The following SPECC1L variants were observed in gnomAD, a reference collection of about 807,000 sequenced individuals.
SPECC1L encodes the protein sperm antigen with calponin homology and coiled-coil domains 1 like, also known as cytospin-A.
Under a neutral mutation model 116.8 loss-of-function variants are expected in SPECC1L, and 40 were observed. The observed-to-expected ratio is 0.34, with a 90% CI of 0.27 to 0.45. SPECC1L has a LOEUF of 0.45. Ranked by LOEUF, SPECC1L falls within the 20% of genes least tolerant of loss-of-function variation. The pLI is 1.00. For missense variants in SPECC1L, 1,110 were observed against 1,373.6 expected (o/e 0.81, Z 3.03); for synonymous variants, 504 against 500.6 (o/e 1.01, Z -0.09).
intron 14 of SPECC1L, among the ~76,000 whole-genome samples, chr22:24,395,121 C>T (rs1196922371): frequency 6.6e-6 from 1 of 152,186 alleles, no homozygotes; most frequent in Admixed American, 6.5e-5. Flanking sequence ...AGCCACAGCG[C>T]CTGGCCAGAA....
intron 6 of SPECC1L, among the ~76,000 whole-genome samples, chr22:24,325,278 A>G (rs906938575): frequency 1.3e-5 from 2 of 152,224 alleles, no homozygotes; most frequent in African/African-American, 4.8e-5. Flanking sequence ...TAGAGGTTCG[A>G]GAGTTGAAGA....
At chr22:24,271,051 C>G (rs997840170) in intron 1 of SPECC1L, 68 bp downstream of exon 1, 6 of 152,468 alleles carry the variant, frequency 3.9e-5, no homozygotes, top group African/African-American at 7.2e-5. Flanking sequence ...GCGCCGCCCG[C>G]GCTGCCGCGC....
chr22:24,383,412 A>T (rs909943403), intron 14 of SPECC1L, among the ~76,000 whole-genome samples: 1 of 152,190 alleles, frequency 6.6e-6, no homozygotes, highest in Non-Finnish European at 1.5e-5. Context: ...CCCTGTCTCT[A>T]TAATTAATTA....
chr22:24,273,435 G>A (rs1177841624), intron 1 of SPECC1L, among the ~76,000 whole-genome samples: 1 of 152,114 alleles, frequency 6.6e-6, no homozygotes, highest in Non-Finnish European at 1.5e-5. Flanking sequence ...TTAAAATAAA[G>A]CATCTTTTAT....
intron 14 of SPECC1L, among the ~76,000 whole-genome samples, chr22:24,394,266 T>C (rs1236067999): frequency 6.6e-6 from 1 of 152,202 alleles, no homozygotes; most frequent in East Asian, 1.9e-4. Flanking sequence ...GCTGGAAGTC[T>C]GAGATCAGGA....
At chr22:24,357,962 T>C (rs955393665) in intron 11 of SPECC1L, among the ~76,000 whole-genome samples, 1 of 152,202 alleles carries the variant, frequency 6.6e-6, no homozygotes, top group Non-Finnish European at 1.5e-5. Flanking sequence ...TTTTAAGTTC[T>C]TTTCTGCCAT....
chr22:24,401,973 C>CACCTCGGCCGCCTGCCCT (rs909573029), intron 14 of SPECC1L, among the ~76,000 whole-genome samples: 11 of 152,216 alleles, frequency 7.2e-5, no homozygotes, highest in South Asian at 2.1e-4. Context: ...CTGCCAGCTC[C>CACCTCGGCCGCCTGCCCT]ACCTCGGCCG....
At chr22:24,281,687 T>C (rs1425974395) in intron 2 of SPECC1L, among the ~76,000 whole-genome samples, 1 of 152,260 alleles carries the variant, frequency 6.6e-6, no homozygotes, top group East Asian at 1.9e-4. Flanking sequence ...CAAAGCTTTT[T>C]GATGGATTCC....
intron 13 of SPECC1L, 127 bp from the exon 14 acceptor site, chr22:24,369,091 C>G: frequency 1.4e-6 from 1 of 715,328 alleles, no homozygotes; most frequent in South Asian, 1.5e-5. Context: ...GTATGAAAAA[C>G]TATGTCTTGC....
intron 11 of SPECC1L, among the ~76,000 whole-genome samples, chr22:24,360,531 T>A (rs891689294): frequency 1.3e-5 from 2 of 152,178 alleles, no homozygotes; most frequent in Admixed American, 1.3e-4. Flanking sequence ...GTTGGGCACA[T>A]GTATCAGCAA....
intron 2 of SPECC1L, among the ~76,000 whole-genome samples, chr22:24,285,179 T>C (rs2049017462): frequency 6.6e-6 from 1 of 152,030 alleles, no homozygotes; most frequent in Non-Finnish European, 1.5e-5. Flanking sequence ...GGGATTGTAG[T>C]GGAAAGGGAG....
At chr22:24,333,926 T>C (rs2040991913) in intron 8 of SPECC1L, among the ~76,000 whole-genome samples, 1 of 152,174 alleles carries the variant, frequency 6.6e-6, no homozygotes, top group African/African-American at 2.4e-5. Context: ...TATCATTTCC[T>C]GGTATTTACC....
intron 14 of SPECC1L, among the ~76,000 whole-genome samples, chr22:24,382,179 A>G (rs1428641004): frequency 6.6e-6 from 1 of 152,188 alleles, no homozygotes; most frequent in Non-Finnish European, 1.5e-5. Context: ...GCCAAGTCAA[A>G]TTTGGCAGGA....
chr22:24,332,113 G>T (rs1318552259), intron 8 of SPECC1L, among the ~76,000 whole-genome samples: 1 of 152,134 alleles, frequency 6.6e-6, no homozygotes, highest in Non-Finnish European at 1.5e-5. Flanking sequence ...TCAGACTTTG[G>T]TATTATTTGG....
intron 14 of SPECC1L, among the ~76,000 whole-genome samples, chr22:24,398,818 G>A (rs2042415423): frequency 6.6e-6 from 1 of 152,192 alleles, no homozygotes; most frequent in Non-Finnish European, 1.5e-5. Flanking sequence ...TTGGGGGTTA[G>A]GATGAGGACA....
At chr22:24,350,041 G>T (rs866936856) in intron 11 of SPECC1L, among the ~76,000 whole-genome samples, 1 of 152,042 alleles carries the variant, frequency 6.6e-6, no homozygotes. Context: ...TGCTCACCCT[G>T]CCTCACCACA....
chr22:24,372,615 G>A (rs1203016523), intron 14 of SPECC1L, among the ~76,000 whole-genome samples: 1 of 152,068 alleles, frequency 6.6e-6, no homozygotes, highest in African/African-American at 2.4e-5. Flanking sequence ...GGTATTGATG[G>A]GACGTATCTC....
intron 2 of SPECC1L, among the ~76,000 whole-genome samples, chr22:24,289,086 C>T (rs1006053662): frequency 2.0e-5 from 3 of 152,142 alleles, no homozygotes; most frequent in Non-Finnish European, 2.9e-5. Flanking sequence ...TTAATTTTAT[C>T]GATACCAAAT....
chr22:24,284,407 T>A (rs1232349632), intron 2 of SPECC1L, among the ~76,000 whole-genome samples: 2 of 152,096 alleles, frequency 1.3e-5, no homozygotes, highest in East Asian at 3.8e-4. Flanking sequence ...ATTTTGTAAT[T>A]TAATTAATAG....
Sources: gnomAD v4.1 joint callset for allele counts (sites outside exome capture counted in the v4.1 genomes callset) on GRCh38, gnomAD v4.1.1 for gene constraint, MANE v1.5 for transcripts, NCBI Gene and HGNC (gene_info 2026-07-23, HGNC 2026-07-21) for gene names.